The following WWOX variants were observed in gnomAD, a reference collection of about 807,000 sequenced individuals.
The protein encoded by WWOX is WW domain containing oxidoreductase, also known as WW domain-containing oxidoreductase.
In WWOX, 69 loss-of-function variants were observed where a neutral mutation model predicts 46.2. That is an observed-to-expected ratio of 1.49 (90% CI 1.23 to 1.82). The LOEUF (loss-of-function observed/expected upper bound fraction) is 1.82, where lower values mean the gene tolerates loss of function less well. Among genes scored for constraint, WWOX ranks in the 40% most tolerant of loss-of-function variants. The pLI is 0.00. For missense variants in WWOX, 919 were observed against 542.6 expected, an observed-to-expected ratio of 1.69 and a Z score of -6.89; for synonymous variants, 359 against 202.6, an observed-to-expected ratio of 1.77 and a Z score of -6.56.
chr16:78,115,875 C>T (rs934853114), intron 4 of WWOX, among the ~76,000 whole-genome samples: 1 of 152,132 alleles, frequency 6.6e-6, no homozygotes, highest in Non-Finnish European at 1.5e-5. Context: ...TCAGATTTGT[C>T]GACATATGAA....
chr16:79,084,968 C>G (rs1488581331), intron 8 of WWOX, among the ~76,000 whole-genome samples: 1 of 151,940 alleles, frequency 6.6e-6, no homozygotes, highest in African/African-American at 2.4e-5. Context: ...GTCTGTCTCC[C>G]AGGCTGGAGT....
chr16:78,783,846 A>G (rs1037342021), intron 8 of WWOX, among the ~76,000 whole-genome samples: 2 of 151,080 alleles, frequency 1.3e-5, no homozygotes, highest in African/African-American at 2.4e-5. Context: ...GGTGATGATG[A>G]TGGTGATATG....
intron 8 of WWOX, among the ~76,000 whole-genome samples, chr16:78,735,803 A>T (rs574730674): frequency 2.2e-4 from 33 of 152,250 alleles, no homozygotes; most frequent in Middle Eastern, 3.4e-3. Context: ...TAGGTGGAGG[A>T]TCTGGTCAAG....
chr16:78,552,516 C>CG (rs2044198220), intron 8 of WWOX: 1 of 152,146 alleles, frequency 6.6e-6, no homozygotes, highest in African/African-American at 2.4e-5. Context: ...AGTGAGGGAG[C>CG]GATGAGTAGA....
At chr16:78,763,300 A>C (rs1476046203) in intron 8 of WWOX, among the ~76,000 whole-genome samples, 5 of 152,216 alleles carry the variant, frequency 3.3e-5, no homozygotes, top group Admixed American at 3.3e-4. Context: ...CATTAATTCA[A>C]AATATGTTCC....
intron 8 of WWOX, among the ~76,000 whole-genome samples, chr16:78,998,774 T>A (rs898634874): frequency 6.6e-6 from 1 of 152,240 alleles, no homozygotes; most frequent in Non-Finnish European, 1.5e-5. Flanking sequence ...TTGAATGACT[T>A]CTTGAAAGTG....
At chr16:78,431,465 A>G (rs1018721887) in intron 7 of WWOX, among the ~76,000 whole-genome samples, 1 of 152,194 alleles carries the variant, frequency 6.6e-6, no homozygotes, top group Non-Finnish European at 1.5e-5. Flanking sequence ...ATTAGCTAAA[A>G]TAATCCAGGA....
At chr16:78,268,637 A>G (rs1210298341) in intron 5 of WWOX, among the ~76,000 whole-genome samples, 1 of 152,168 alleles carries the variant, frequency 6.6e-6, no homozygotes, top group Non-Finnish European at 1.5e-5. Flanking sequence ...TTTCTTGGTT[A>G]AATACGTGGA....
chr16:78,937,624 T>C (rs1422041642), intron 8 of WWOX, among the ~76,000 whole-genome samples: 1 of 150,102 alleles, frequency 6.7e-6, no homozygotes, highest in Non-Finnish European at 1.5e-5. Flanking sequence ...TTTATTTATT[T>C]ATTTATTTAT....
At chr16:78,520,839 C>A (rs989578885) in intron 8 of WWOX, among the ~76,000 whole-genome samples, 2 of 152,110 alleles carry the variant, frequency 1.3e-5, no homozygotes, top group Non-Finnish European at 2.9e-5. Flanking sequence ...TTTTTCTGAG[C>A]TCAGGGGAGC....
chr16:78,796,311 A>C (rs773819827), intron 8 of WWOX, among the ~76,000 whole-genome samples: 2 of 152,228 alleles, frequency 1.3e-5, no homozygotes, highest in African/African-American at 4.8e-5. Flanking sequence ...TGGAGCCTCC[A>C]AATCCTCTGC....
intron 8 of WWOX, among the ~76,000 whole-genome samples, chr16:79,123,827 G>T (rs981857313): frequency 3.3e-5 from 5 of 152,148 alleles, no homozygotes; most frequent in African/African-American, 1.2e-4. Flanking sequence ...CGTGCCATCC[G>T]ATTAGTGAAT....
chr16:78,441,541 G>A (rs1418230486), intron 8 of WWOX, among the ~76,000 whole-genome samples: 4 of 152,096 alleles, frequency 2.6e-5, no homozygotes, highest in East Asian at 3.9e-4. Context: ...CGTATCCAGC[G>A]GTGTGGGTAT....
chr16:78,156,687 G>T (rs1444133996), intron 4 of WWOX, among the ~76,000 whole-genome samples: 1 of 152,004 alleles, frequency 6.6e-6, no homozygotes, highest in Non-Finnish European at 1.5e-5. Context: ...ACTTTGGGAG[G>T]TCGAGGTGGG....
chr16:78,766,307 G>C (rs1051036377), intron 8 of WWOX, among the ~76,000 whole-genome samples: 1 of 152,182 alleles, frequency 6.6e-6, no homozygotes, highest in African/African-American at 2.4e-5. Flanking sequence ...ATTAAAATGT[G>C]CAGAGGAGAC....
chr16:78,794,603 G>A (rs2050690722), intron 8 of WWOX, among the ~76,000 whole-genome samples: 1 of 152,180 alleles, frequency 6.6e-6, no homozygotes. Context: ...ATTAACTAAA[G>A]TACCATCTTC....
At position 79,211,757 on chromosome 16, in the gene WWOX, G is replaced by A. The variant is rs923748427; in HGVS notation, c.1206G>A (p.Glu402=). The A allele has an allele frequency of 3.7e-6, 6 of 1,614,206 alleles. No individual in the cohort carries two copies. Among genetic ancestry groups the A allele is most frequent in the Non-Finnish European group, 4.2e-6 (5 of 1,180,022 alleles). The change falls in exon 9 of 9, where the codon GAG becomes GAA. Residue 402 remains glutamate (E), a synonymous_variant. Transcript: ENST00000566780. ...ETARTLWALS[E]RLIQERLGSQ... is the part of the protein sequence containing the mutation. The stretch of plus-strand genomic sequence containing the variant: ...CCCGGACCCTGTGGGCGCTCAGCGA[G>A]AGGCTGATCCAAGAACGGCTTGGCA...
At chr16:78,633,417 G>A (rs1459414607) in intron 8 of WWOX, among the ~76,000 whole-genome samples, 1 of 152,140 alleles carries the variant, frequency 6.6e-6, no homozygotes, top group Non-Finnish European at 1.5e-5. Context: ...CACCCTTCCT[G>A]TCTTCAAGCC....
At chr16:78,760,982 T>A (rs1231946316) in intron 8 of WWOX, among the ~76,000 whole-genome samples, 1 of 152,098 alleles carries the variant, frequency 6.6e-6, no homozygotes, top group Non-Finnish European at 1.5e-5. Context: ...TCATGAGACT[T>A]ATTCACTATC....
Sources: gnomAD v4.1 joint callset for allele counts (sites outside exome capture counted in the v4.1 genomes callset) on GRCh38, gnomAD v4.1.1 for gene constraint, MANE v1.5 for transcripts, NCBI Gene and HGNC (gene_info 2026-07-23, HGNC 2026-07-21) for gene names.